Variants in NEK7 observed in about 807,000 individuals in gnomAD.
NEK7 encodes NIMA related kinase 7.
NEK7 carries 18 observed loss-of-function variants against 44.6 expected under a neutral mutation model. The ratio of observed to expected loss-of-function variants is 0.40; its 90% CI spans 0.28 to 0.60. NEK7 has a LOEUF of 0.60. Ranked by LOEUF, NEK7 falls within the 20% of genes least tolerant of loss-of-function variation. NEK7 has a pLI of 0.38. For missense variants in NEK7, 256 were observed against 366.5 expected (o/e 0.70, Z 2.46); for synonymous variants, 130 against 121.1 (o/e 1.07, Z -0.48).
chr1:198,165,785 C>T (rs1186498474), intron 1 of NEK7, among the ~76,000 whole-genome samples: 1 of 152,142 alleles, frequency 6.6e-6, no homozygotes, highest in Non-Finnish European at 1.5e-5. Context: ...AGGCATTGAC[C>T]TCTCTCTAGC....
chr1:198,193,748 C>T (rs889580664), intron 1 of NEK7, among the ~76,000 whole-genome samples: 10 of 151,982 alleles, frequency 6.6e-5, no homozygotes, highest in Admixed American at 5.9e-4. Context: ...ATTCAGTATC[C>T]CTTCATGTTA....
chr1:198,193,011 A>G (rs561546532), intron 1 of NEK7, among the ~76,000 whole-genome samples: 18 of 151,986 alleles, frequency 1.2e-4, no homozygotes, highest in Non-Finnish European at 2.4e-4. Flanking sequence ...CAAAAAATCA[A>G]TGAATCCAGG....
chr1:198,278,526 T>G (rs900356080), intron 6 of NEK7, among the ~76,000 whole-genome samples: 1 of 151,806 alleles, frequency 6.6e-6, no homozygotes, highest in African/African-American at 2.4e-5. Context: ...GCAATTAAGA[T>G]TTTTAAAGCC....
intron 1 of NEK7, among the ~76,000 whole-genome samples, chr1:198,177,303 A>G (rs1341626606): frequency 1.3e-5 from 2 of 152,176 alleles, no homozygotes; most frequent in African/African-American, 4.8e-5. Context: ...GAAGGGATCA[A>G]AGTGTTCTCT....
chr1:198,185,973 T>C (rs1232479458), intron 1 of NEK7, among the ~76,000 whole-genome samples: 1 of 152,200 alleles, frequency 6.6e-6, no homozygotes, highest in Non-Finnish European at 1.5e-5. Context: ...ATAAATCATC[T>C]TTTTTTGCTA....
intron 5 of NEK7, among the ~76,000 whole-genome samples, chr1:198,269,288 A>T (rs1653762577): frequency 6.6e-6 from 1 of 152,132 alleles, no homozygotes; most frequent in African/African-American, 2.4e-5. Flanking sequence ...GTGGTTGTAT[A>T]ACTGTCACAG....
intron 1 of NEK7, among the ~76,000 whole-genome samples, chr1:198,179,695 AC>A (rs1391400547): frequency 6.6e-6 from 1 of 151,984 alleles, no homozygotes; most frequent in Non-Finnish European, 1.5e-5. Context: ...AGTCTGTGAA[AC>A]CCTATCCTTC....
chr1:198,256,277 A>C, intron 3 of NEK7: 1 of 1,504,258 alleles, frequency 6.6e-7, no homozygotes, highest in East Asian at 2.4e-5. Context: ...TAGTTCACTG[A>C]TTCAGGGCTA....
chr1:198,171,453 G>A (rs1305601112), intron 1 of NEK7, among the ~76,000 whole-genome samples: 1 of 152,008 alleles, frequency 6.6e-6, no homozygotes. Context: ...GGCTGAGGTG[G>A]GTGGATCACG....
intron 9 of NEK7, among the ~76,000 whole-genome samples, chr1:198,317,130 G>T (rs1655393893): frequency 1.3e-5 from 2 of 152,228 alleles, no homozygotes; most frequent in Admixed American, 1.3e-4. Flanking sequence ...AGTAAAGTAT[G>T]CATATTCTGT....
chr1:198,314,341 T>G (rs1182632267), intron 9 of NEK7, among the ~76,000 whole-genome samples: 11 of 152,172 alleles, frequency 7.2e-5, no homozygotes, highest in Non-Finnish European at 1.5e-4. Context: ...CTTCTAAATT[T>G]TTTTCAAAGT....
intron 7 of NEK7, among the ~76,000 whole-genome samples, chr1:198,289,131 TTGTGTGTGTGTGTGTGTG>T (rs71133921): frequency 6.7e-6 from 1 of 148,758 alleles, no homozygotes; most frequent in African/African-American, 2.5e-5. Context: ...TTCCCTGAAG[TTGTGTGTGTGTGTGTGTG>T]TGTGTGTGTG....
chr1:198,258,209 G>T (rs1463606317), intron 3 of NEK7, among the ~76,000 whole-genome samples: 2 of 152,206 alleles, frequency 1.3e-5, no homozygotes, highest in Non-Finnish European at 2.9e-5. Context: ...GGGAGGCTGA[G>T]GCGGGCAGAT....
intron 5 of NEK7, among the ~76,000 whole-genome samples, chr1:198,272,938 T>C (rs1003235193): frequency 1.3e-5 from 2 of 151,838 alleles, no homozygotes; most frequent in South Asian, 2.1e-4. Context: ...ATTTAAGAGG[T>C]TTTTTTCCCT....
intron 1 of NEK7, among the ~76,000 whole-genome samples, chr1:198,178,899 C>G (rs1308608015): frequency 6.6e-6 from 1 of 151,754 alleles, no homozygotes; most frequent in Non-Finnish European, 1.5e-5. Flanking sequence ...TGGAAGAGAT[C>G]TAGCTATTTG....
At chr1:198,175,266 G>C (rs1277368503) in intron 1 of NEK7, among the ~76,000 whole-genome samples, 1 of 152,078 alleles carries the variant, frequency 6.6e-6, no homozygotes, top group Non-Finnish European at 1.5e-5. Flanking sequence ...TGTTAATTTT[G>C]AAAATTCCAT....
At chr1:198,196,328 G>C (rs191008006) in intron 1 of NEK7, among the ~76,000 whole-genome samples, 4 of 152,172 alleles carry the variant, frequency 2.6e-5, no homozygotes, top group South Asian at 2.1e-4. Context: ...TAAATTATCT[G>C]TCTGGCTTTG....
intron 7 of NEK7, among the ~76,000 whole-genome samples, chr1:198,287,052 A>G (rs1654393367): frequency 1.3e-5 from 2 of 152,216 alleles, no homozygotes; most frequent in South Asian, 4.1e-4. Context: ...CAAGAGGCGA[A>G]GATCATGGAG....
intron 3 of NEK7, among the ~76,000 whole-genome samples, 189 bp from the exon 4 acceptor site, chr1:198,262,386 T>TG (rs1653505020): frequency 6.6e-6 from 1 of 151,910 alleles, no homozygotes; most frequent in African/African-American, 2.4e-5. Context: ...TTTTAAATAC[T>TG]GACTGCTGAA....
Sources: gnomAD v4.1 joint callset for allele counts (sites outside exome capture counted in the v4.1 genomes callset) on GRCh38, gnomAD v4.1.1 for gene constraint, MANE v1.5 for transcripts, NCBI Gene and HGNC (gene_info 2026-07-23, HGNC 2026-07-21) for gene names.